HNF4G: variants seen among roughly 807,000 people sequenced by gnomAD.
HNF4G encodes hepatocyte nuclear factor 4-gamma.
A neutral mutation model predicts 50.9 loss-of-function variants in HNF4G; 21 were observed. The ratio of observed to expected loss-of-function variants is 0.41; its 90% CI spans 0.29 to 0.59. The LOEUF (loss-of-function observed/expected upper bound fraction) is 0.59. Among genes scored for constraint, HNF4G ranks in the 20% least tolerant of loss-of-function variants. The pLI, the probability that HNF4G is intolerant of heterozygous loss-of-function variation, is 0.26. For missense variants in HNF4G, 527 were observed against 559.4 expected (o/e 0.94, Z 0.58); for synonymous variants, 198 against 185.6 (o/e 1.07, Z -0.54).
intron 1 of HNF4G, among the ~76,000 whole-genome samples, chr8:75,485,510 T>C (rs888100796): frequency 3.6e-5 from 5 of 140,770 alleles, no homozygotes; most frequent in African/African-American, 1.2e-4. Flanking sequence ...CCATAGAAAC[T>C]GTTAATTAAA....
Position 75,558,610 on chromosome 8 carries a change from G to A in HNF4G, c.826G>A (p.Glu276Lys). 6.2e-7 allele frequency: 1 copy of A among 1,614,024 alleles called. No homozygotes were observed. The highest frequency in any genetic ancestry group is 8.5e-7 in the Non-Finnish European group (1 of 1,179,936). ...VLDELVRPFQ[E>K]IQIDDNEYAC... ...AGATGAGCTGGTTAGACCATTTCAA[G>A]AAATCCAGATTGATGACAATGAGTA... Residue 276 changes from glutamate (E) to lysine (K), a missense_variant, in exon 7 of 10, where the codon GAA (glutamate) becomes AAA (lysine). Coordinates refer to ENST00000396423, the MANE Select transcript of HNF4G (RefSeq NM_004133.5).
intron 1 of HNF4G, among the ~76,000 whole-genome samples, chr8:75,450,993 A>G (rs1376191395): frequency 6.6e-6 from 1 of 152,210 alleles, no homozygotes; most frequent in Non-Finnish European, 1.5e-5. Context: ...TAGACTTTTC[A>G]GCCTCCAAAA....
At chr8:75,537,093 A>G (rs557986407), upstream of HNF4G, among the ~76,000 whole-genome samples, 87 of 152,250 alleles carry the variant, frequency 5.7e-4, no homozygotes, top group South Asian at 1.7e-3. Context: ...GGGTAGGCAC[A>G]TCTTACCAAT....
At chr8:75,452,628 G>GTTCACTGC (rs200927574) in intron 1 of HNF4G, among the ~76,000 whole-genome samples, 7,156 of 151,932 alleles carry the variant, frequency 0.047, 234 homozygotes, top group African/African-American at 0.081. Context: ...CTGAGGCAGG[G>GTTCACTGC]AAATGGCGTG....
chr8:75,549,055 C>T (rs559516473), intron 3 of HNF4G, among the ~76,000 whole-genome samples: 9 of 152,260 alleles, frequency 5.9e-5, no homozygotes, highest in Admixed American at 1.3e-4. Context: ...TTTATCCCCA[C>T]AAAAGTGTAA....
chr8:75,542,251 G>A (rs1258808460), intron 1 of HNF4G, among the ~76,000 whole-genome samples: 2 of 152,084 alleles, frequency 1.3e-5, no homozygotes. Flanking sequence ...GTTGCAGTGA[G>A]CTAGGACTGC....
rs969907221 is a variant in HNF4G at position 75,472,329 on chromosome 8, C to T, written c.-143-17760C>T. 3.9e-5 allele frequency among the ~76,000 whole-genome samples: 6 copies of T among 152,284 alleles called. 1 individual carries two copies. Among genetic ancestry groups the T allele is most frequent in the African/African-American group, 1.2e-4 (5 of 41,556 alleles). ...GAGGCAGGAGATGGGGATTCAAGTTCTCCCTCCTTTTGAGAAAAGACCCCT... is the reference window on the plus strand; with the variant it reads ...GAGGCAGGAGATGGGGATTCAAGTTTTCCCTCCTTTTGAGAAAAGACCCCT... On this transcript the variant is annotated intron_variant, in intron 1 of 10. Coordinates refer to the HNF4G transcript ENST00000354370.
chr8:75,519,094 A>G (rs1003621384), intron 2 of HNF4G, among the ~76,000 whole-genome samples: 1 of 152,176 alleles, frequency 6.6e-6, no homozygotes, highest in African/African-American at 2.4e-5. Context: ...ACCAGGTGCC[A>G]TAGATCATTT....
At chr8:75,522,148 C>T (rs943200594) in intron 2 of HNF4G, among the ~76,000 whole-genome samples, 6 of 152,300 alleles carry the variant, frequency 3.9e-5, no homozygotes, top group Admixed American at 6.5e-5. Flanking sequence ...CATTAGACTT[C>T]TGTGTAGAAG....
At chr8:75,491,755 C>T (rs1585891286) in intron 2 of HNF4G, among the ~76,000 whole-genome samples, 2 of 152,148 alleles carry the variant, frequency 1.3e-5, no homozygotes, top group Non-Finnish European at 2.9e-5. Flanking sequence ...AGATTACAGG[C>T]GTGAGCCACC....
chr8:75,555,899 A>G, intron 5 of HNF4G, 83 bp from the exon 6 acceptor site: 1 of 718,546 alleles, frequency 1.4e-6, no homozygotes, highest in South Asian at 3.0e-5. Context: ...GGCTTAAAGA[A>G]CACTCTAAGT....
chr8:75,435,746 A>G (rs1811120061), intron 1 of HNF4G, among the ~76,000 whole-genome samples: 2 of 152,104 alleles, frequency 1.3e-5, no homozygotes, highest in Non-Finnish European at 2.9e-5. Context: ...GGCATGCACC[A>G]CCACACCCAG....
chr8:75,510,711 A>T (rs1490499164), intron 2 of HNF4G, among the ~76,000 whole-genome samples: 1 of 152,146 alleles, frequency 6.6e-6, no homozygotes, highest in Non-Finnish European at 1.5e-5. Context: ...TATACCATCT[A>T]GGTTTGTGTA....
At chr8:75,483,610 A>G (rs1370186113) in intron 1 of HNF4G, among the ~76,000 whole-genome samples, 2 of 152,138 alleles carry the variant, frequency 1.3e-5, no homozygotes, top group African/African-American at 2.4e-5. Context: ...TCCTCCCTAA[A>G]ACGTAAACAT....
intron 1 of HNF4G, among the ~76,000 whole-genome samples, chr8:75,410,766 G>T (rs1346937934): frequency 1.3e-5 from 2 of 152,082 alleles, no homozygotes; most frequent in African/African-American, 4.8e-5. Context: ...AATGAAACTG[G>T]GTATGTTGTT....
At chr8:75,418,226 C>A (rs182926126) in intron 1 of HNF4G, among the ~76,000 whole-genome samples, 9 of 152,200 alleles carry the variant, frequency 5.9e-5, no homozygotes, top group Non-Finnish European at 1.0e-4. Flanking sequence ...GTGTCCTGAT[C>A]TCCTTTTATA....
intron 1 of HNF4G, among the ~76,000 whole-genome samples, chr8:75,456,206 G>A (rs997684152): frequency 2.0e-5 from 3 of 151,962 alleles, no homozygotes; most frequent in Admixed American, 1.3e-4. Context: ...TTACAGGGTA[G>A]TGCAAAATTC....
chr8:75,507,514 C>A (rs1329445106), intron 2 of HNF4G, among the ~76,000 whole-genome samples: 2 of 152,308 alleles, frequency 1.3e-5, no homozygotes, highest in African/African-American at 4.8e-5. Flanking sequence ...CTGCCTTGGC[C>A]TCCCAGTGGG....
rs375963985 is a variant in HNF4G, at chr8:75,560,394, T to C, written c.1174T>C (p.Ser392Pro). ...CCATCATCCAATGCATCCACATTTG[T>C]CTCAAGACCCATTAACTGGACAAAC... ...HLHHPMHPHLSQDPLTGQTIL... is the reference protein window; with the variant it reads ...HLHHPMHPHLPQDPLTGQTIL... The change falls in exon 9 of 10, where the codon TCT becomes CCT. Residue 392 changes from serine to proline, a missense_variant. Transcript: ENST00000396423. 6.8e-6 allele frequency: 11 copies of C among 1,613,242 alleles called. No homozygotes were observed. Among genetic ancestry groups the C allele is most frequent in the Non-Finnish European group, 9.3e-6 (11 of 1,179,422 alleles).
Sources: gnomAD v4.1 joint callset for allele counts (sites outside exome capture counted in the v4.1 genomes callset) on GRCh38, gnomAD v4.1.1 for gene constraint, MANE v1.5 for transcripts, NCBI Gene and HGNC (gene_info 2026-07-23, HGNC 2026-07-21) for gene names.